The following IFT172 variants were observed in gnomAD, a reference collection of about 807,000 sequenced individuals.
The protein encoded by IFT172 is intraflagellar transport protein 172 homolog.
Under a neutral mutation model 248.9 loss-of-function variants are expected in IFT172, and 164 were observed. The ratio of observed to expected loss-of-function variants is 0.66; its 90% CI spans 0.58 to 0.75. The LOEUF is 0.75. Among genes scored for constraint, IFT172 ranks in the 30% least tolerant of loss-of-function variants. The pLI is 0.00. For missense variants in IFT172, 1,950 were observed against 2,192.4 expected (o/e 0.89, Z 2.21); for synonymous variants, 729 against 791.6 (o/e 0.92, Z 1.33).
intron 29 of IFT172, among the ~76,000 whole-genome samples, chr2:27,457,153 GACCC>G: frequency 6.6e-6 from 1 of 152,346 alleles, no homozygotes. Flanking sequence ...CTGGTCCACA[GACCC>G]TTAAAATTAT....
In IFT172 at chr2:27,455,436, C is replaced by T. The variant is rs539668740; in HGVS notation, c.3372-776G>A. The T allele has an allele frequency of 8.3e-5, 20 of 240,220 alleles. No individual in the cohort carries two copies. The East Asian group carries it at 2.3e-3, about 28-fold the overall frequency. The allele number at this position is 240,220 out of a possible 1,614,324, so 14.9% of individuals were successfully genotyped here. A position where few individuals can be genotyped will look rare whatever the true frequency, so the allele number is the denominator to read the frequency against. ...GAAAAATGGCAGAATATGCCGGGCG[C>T]GGTGGCTCACGCCTGTAATCCCAGC... On this transcript the variant is annotated intron_variant, in intron 30 of 47. Coordinates refer to ENST00000260570, the MANE Select transcript of IFT172 (RefSeq NM_015662.3).
intron 18 of IFT172, among the ~76,000 whole-genome samples, chr2:27,464,789 T>G (rs1163029980): frequency 6.6e-6 from 1 of 152,112 alleles, no homozygotes; most frequent in East Asian, 1.9e-4. Flanking sequence ...GGCTAATTTT[T>G]GTATTTTTAG....
At chr2:27,453,808 T>C in intron 33 of IFT172, 69 bp from the exon 34 acceptor site, 1 of 1,471,690 alleles carries the variant, frequency 6.8e-7, no homozygotes, top group Non-Finnish European at 9.3e-7. Flanking sequence ...ACACAGGTAC[T>C]CTGGCCCACA....
intron 33 of IFT172, 67 bp downstream of exon 33, chr2:27,453,915 G>T: frequency 1.3e-6 from 2 of 1,513,766 alleles, no homozygotes; most frequent in South Asian, 1.2e-5. Flanking sequence ...CCAGGGGTCA[G>T]TGTGGCTCTC....
At chr2:27,484,679 T>C (rs890586463) in intron 3 of IFT172, among the ~76,000 whole-genome samples, 1 of 152,188 alleles carries the variant, frequency 6.6e-6, no homozygotes, top group Non-Finnish European at 1.5e-5. Context: ...ATTTCTTCCC[T>C]GGCCCAGTAG....
At position 27,445,390 on chromosome 2, in the gene IFT172, C is replaced by T. The variant is rs1664973575; in HGVS notation, c.4974G>A (p.Leu1658=). ...WVLTVSMDQR[L]EQVLPRDERG... ...GCTCATCCCGAGGCAGAACCTGCTC[C>T]AGCCGCTGGTCCATGGAGACTGTAA... Residue 1658 remains leucine, a synonymous_variant, in exon 46 of 48, where the codon CTG becomes CTA. Transcript: ENST00000260570. The surrounding 1 kb of genome is among the most constrained non-coding windows in gnomAD (Gnocchi z 4.4). 6.8e-6 allele frequency: 11 copies of T among 1,612,790 alleles called. No individual in the cohort carries two copies. The highest frequency in any genetic ancestry group is 9.3e-6 in the Non-Finnish European group (11 of 1,179,590).
intron 18 of IFT172, 149 bp from the exon 19 acceptor site, chr2:27,463,330 G>A: frequency 1.6e-6 from 1 of 611,542 alleles, no homozygotes; most frequent in Non-Finnish European, 2.7e-6. Context: ...GGAAGATGAG[G>A]GCCTTGCTCT....
chr2:27,465,212 G>A (rs1465766001), intron 18 of IFT172, 199 bp downstream of exon 18: 12 of 585,840 alleles, frequency 2.0e-5, no homozygotes, highest in Non-Finnish European at 3.7e-5. Context: ...CAGCCATCAC[G>A]CCTGGTCAAG....
chr2:27,485,065 T>C lies in IFT172; in HGVS notation c.249A>G (p.Ile83Met), dbSNP rs773591358. 1.9e-6 allele frequency: 3 copies of C among 1,610,096 alleles called. No homozygotes were observed. The African/African-American group carries it at 4.0e-5, about 22-fold the overall frequency. Residue 83 changes from isoleucine to methionine, a missense_variant, in exon 3 of 48, where the codon ATA becomes ATG. By Grantham distance (10) the Ile-to-Met change is conservative (BLOSUM62 1). Coordinates refer to ENST00000260570, the MANE Select transcript of IFT172 (RefSeq NM_015662.3). The stretch of plus-strand genomic sequence containing the variant: ...CATAGATGATGTTGTCAGTCTGTCC[T>C]ATGGCAATTTTAGTGGAATCAGGAG... Reference protein sequence around the residue: ...AFSPDSTKIAIGQTDNIIYVY... With the variant: ...AFSPDSTKIAMGQTDNIIYVY...
chr2:27,444,411 A>G lies in IFT172; in HGVS notation c.*21T>C. On this transcript the variant is annotated 3_prime_UTR_variant, in exon 48 of 48. Transcript: ENST00000260570. ...AAACTTTAATGAGGGAGAGGCCCTA[A>G]CTCTTCCTCAGCTCTACCAACTACT... is the stretch of plus-strand genomic sequence containing the variant. 6.6e-7 allele frequency: 1 copy of G among 1,517,110 alleles called. No homozygotes were observed. The highest frequency in any genetic ancestry group is 9.1e-7 in the Non-Finnish European group (1 of 1,095,042). 94.0% of individuals were successfully genotyped at this position (1,517,110 alleles called of 1,614,324 possible).
In IFT172 at chr2:27,476,735, T is replaced by C. The variant is rs748709654; in HGVS notation, c.1326-9A>G. On this transcript the variant is annotated splice_polypyrimidine_tract_variant and intron_variant, in intron 13 of 47. Transcript: ENST00000260570. ...TCTCATTAATACGAACACTGAAACA[T>C]GAAGGGTGAGGTAAGGCAAAATGGG... 2.5e-6 allele frequency: 4 copies of C among 1,607,048 alleles called. No homozygotes were observed. Among genetic ancestry groups the C allele is most frequent in the Admixed American group, 3.3e-5 (2 of 59,940 alleles).
In IFT172 at chr2:27,483,360, T is replaced by C. The variant is rs369822391; in HGVS notation, c.499A>G (p.Ile167Val). ...GTACCATCTGCATGACCAGAGAGAATTCCTTTCCCAGAGCAACTAAAAAAG... is the reference window on the plus strand; with the variant it reads ...GTACCATCTGCATGACCAGAGAGAACTCCTTTCCCAGAGCAACTAAAAAAG... ...SLTTNCSGKGILSGHADGTIV... is the reference protein window; with the variant it reads ...SLTTNCSGKGVLSGHADGTIV... The change falls in exon 7 of 48, where the codon ATT becomes GTT. Residue 167 changes from isoleucine to valine, a missense_variant. Coordinates refer to ENST00000260570, the MANE Select transcript of IFT172 (RefSeq NM_015662.3). 1 of 1,606,036 alleles carries C rather than the reference T, an allele frequency of 6.2e-7. No homozygotes were observed. Among genetic ancestry groups the C allele is most frequent in the African/African-American group, 1.3e-5 (1 of 74,726 alleles).
chr2:27,447,801 C>G lies in IFT172; in HGVS notation c.4539+11G>C. 3 of 1,601,682 alleles carry G rather than the reference C, an allele frequency of 1.9e-6. No homozygotes were observed. Among genetic ancestry groups the G allele is most frequent in the Non-Finnish European group, 2.6e-6 (3 of 1,168,584 alleles). On this transcript the variant is annotated intron_variant, in intron 41 of 47. Transcript: ENST00000260570. ...ACAAGGACAGACGGAGCAGCCCTTT[C>G]GCTTCCTCACCAGGTTGAAGAGGAC... is the stretch of plus-strand genomic sequence containing the variant.
intron 14 of IFT172, among the ~76,000 whole-genome samples, chr2:27,473,810 T>A (rs1156947712): frequency 6.6e-6 from 1 of 152,084 alleles, no homozygotes; most frequent in Admixed American, 6.6e-5. Flanking sequence ...TTTTTATTTT[T>A]ATTTTTTTTC....
Position 27,457,861 on chromosome 2 carries a change from T to C in IFT172, c.3091A>G (p.Thr1031Ala). 1.2e-6 allele frequency: 2 copies of C among 1,614,178 alleles called. No homozygotes were observed. The highest frequency in any genetic ancestry group is 1.7e-6 in the Non-Finnish European group (2 of 1,180,024). ...CTCACCTTGCCCAGATGTAGGTGTG[T>C]ATCACTGAGGAGATCTGGATGGTGC... ...GKHHPDLLSD[T>A]HLHLGKELEA... Residue 1031 changes from threonine to alanine, a missense_variant, in exon 28 of 48, where the codon ACA (threonine) becomes GCA (alanine). By Grantham distance (58) the Thr-to-Ala change is moderately conservative. Coordinates refer to ENST00000260570, the MANE Select transcript of IFT172 (RefSeq NM_015662.3).
At chr2:27,477,375 G>A in intron 12 of IFT172, 55 bp from the exon 13 acceptor site, 1 of 1,459,302 alleles carries the variant, frequency 6.9e-7, no homozygotes, top group South Asian at 1.1e-5. Context: ...AAAAACAGTA[G>A]TGGGAGGTGT....
rs374062028 is a variant in IFT172 at position 27,461,368 on chromosome 2, T to C, written c.2343A>G (p.Lys781=). Residue 781 remains lysine (K), a synonymous_variant, in exon 22 of 48, where the codon AAA becomes AAG. Coordinates refer to ENST00000260570, the MANE Select transcript of IFT172 (RefSeq NM_015662.3). ...SLYLKAGLPA[K]AARLVLTREE... Reference sequence around the variant, plus strand: ...CTCGGGTCAGCACCAGCCGAGCAGCTTTGGCAGGGAGCCCAGCTTTGAGGT... The same window carrying C: ...CTCGGGTCAGCACCAGCCGAGCAGCCTTGGCAGGGAGCCCAGCTTTGAGGT... 2.9e-5 allele frequency: 46 copies of C among 1,614,028 alleles called. No homozygotes were observed. The African/African-American group carries it at 5.3e-4, about 19-fold the overall frequency.
At chr2:27,466,739 C>T (rs993750514) in intron 16 of IFT172, among the ~76,000 whole-genome samples, 5 of 151,984 alleles carry the variant, frequency 3.3e-5, no homozygotes, top group South Asian at 2.1e-4. Flanking sequence ...AGGCCGGGCT[C>T]GGTGGCTCAT....
chr2:27,456,470 G>A (rs760623492), intron 30 of IFT172, 41 bp downstream of exon 30: 18 of 1,586,300 alleles, frequency 1.1e-5, no homozygotes, highest in Middle Eastern at 4.0e-4. Context: ...TAGTGGCTCT[G>A]GCTGGGATGG....
Sources: allele counts gnomAD v4.1 joint callset (sites outside exome capture counted in the v4.1 genomes callset), GRCh38; gene constraint gnomAD v4.1.1; non-coding constraint Gnocchi (gnomAD v3.1); transcripts MANE v1.5; gene names NCBI Gene and HGNC (gene_info 2026-07-23, HGNC 2026-07-21).